RORA: variants seen among roughly 807,000 people sequenced by gnomAD.
RORA encodes the protein RAR related orphan receptor A.
A neutral mutation model predicts 69.5 loss-of-function variants in RORA; 7 were observed. The ratio of observed to expected loss-of-function variants is 0.10; its 90% confidence interval spans 0.06 to 0.19. The LOEUF (loss-of-function observed/expected upper bound fraction) is 0.19, where lower values mean the gene tolerates loss of function less well. RORA is among the 10% of genes least tolerant of loss of function. The pLI is 1.00. For synonymous variants in RORA, 261 were observed against 240.8 expected, an observed-to-expected ratio of 1.08 and a Z score of -0.78; for missense variants, 457 against 663.0, an observed-to-expected ratio of 0.69 and a Z score of 3.41.
intron 1 of RORA, among the ~76,000 whole-genome samples, chr15:61,095,375 T>C (rs2078774006): frequency 6.6e-6 from 1 of 152,268 alleles, no homozygotes; most frequent in African/African-American, 2.4e-5. Context: ...ACAATGCCTT[T>C]TAAAAGGCTT....
intron 1 of RORA, among the ~76,000 whole-genome samples, chr15:61,118,783 G>A (rs920621041): frequency 6.6e-6 from 1 of 151,880 alleles, no homozygotes; most frequent in South Asian, 2.1e-4. Flanking sequence ...ATAAAAACAA[G>A]TCAGAAAGGA....
At chr15:60,514,877 G>C (rs1206065951) in intron 3 of RORA, 120 bp from the exon 4 acceptor site, 1 of 703,966 alleles carries the variant, frequency 1.4e-6, no homozygotes, top group African/African-American at 1.8e-5. Flanking sequence ...ACTTGTAGCA[G>C]AATCATCCAG....
intron 1 of RORA, among the ~76,000 whole-genome samples, chr15:60,844,523 C>T (rs924987768): frequency 2.0e-5 from 3 of 152,148 alleles, no homozygotes; most frequent in Non-Finnish European, 4.4e-5. Context: ...CAAGCCTCCA[C>T]GCATGTCGAA....
At chr15:60,698,070 G>A (rs1321559203) in intron 1 of RORA, among the ~76,000 whole-genome samples, 4 of 152,278 alleles carry the variant, frequency 2.6e-5, no homozygotes, top group South Asian at 2.1e-4. Context: ...GTCTGTAGTC[G>A]TGAAGTGATT....
chr15:60,831,760 T>C (rs2073045117), intron 1 of RORA, among the ~76,000 whole-genome samples: 1 of 152,132 alleles, frequency 6.6e-6, no homozygotes, highest in African/African-American at 2.4e-5. Context: ...CACCTTAGTG[T>C]CTGTGTCTGG....
chr15:60,551,446 A>G (rs2067224560), intron 2 of RORA, among the ~76,000 whole-genome samples: 1 of 152,164 alleles, frequency 6.6e-6, no homozygotes, highest in Non-Finnish European at 1.5e-5. Context: ...AGTTTAAGAA[A>G]TTAAACATAG....
At chr15:60,668,364 C>G (rs907192516) in intron 2 of RORA, among the ~76,000 whole-genome samples, 1 of 152,176 alleles carries the variant, frequency 6.6e-6, no homozygotes, top group Non-Finnish European at 1.5e-5. Context: ...ACAGTTGTCT[C>G]TAAGGTTCTT....
Position 61,122,725 on chromosome 15 carries a change from T to A in RORA, c.166+106328A>T, listed in dbSNP as rs565366989. 1.7e-4 allele frequency among the ~76,000 whole-genome samples: 26 copies of A among 152,230 alleles called. No homozygotes were observed. In the South Asian group the frequency reaches 5.2e-3, roughly 30 times the overall value. ...AGGTGTCTGGAATCCCTCTCTGGTA[T>A]CCAGAAATTGCCTGTGCCAAGTGTG... On this transcript the variant is annotated intron_variant, in intron 1 of 10. Transcript: ENST00000335670.
rs1308284068 is a variant in RORA, at chr15:61,071,728, AG to A, written c.166+157324del. Among the ~76,000 whole-genome samples the A allele has an allele frequency of 2.0e-5, 3 of 150,778 alleles. No homozygotes were observed. In the East Asian group the frequency reaches 5.9e-4, roughly 30 times the overall value. ...ACCCACAATTCACTGAGCCATACAA[AG>A]GAACAGGCTTATTCTTTGGATTTCA... On this transcript the variant is annotated intron_variant, in intron 1 of 10. Coordinates refer to ENST00000335670, the MANE Select transcript of RORA (RefSeq NM_134261.3).
intron 1 of RORA, among the ~76,000 whole-genome samples, chr15:60,798,221 GACAC>G (rs34480684): frequency 9.6e-4 from 140 of 145,812 alleles, no homozygotes; most frequent in African/African-American, 2.5e-3. Context: ...TTCCCCAACA[GACAC>G]ACACACACAC....
At chr15:60,959,286 A>C (rs760168989) in intron 1 of RORA, among the ~76,000 whole-genome samples, 1 of 152,248 alleles carries the variant, frequency 6.6e-6, no homozygotes, top group Non-Finnish European at 1.5e-5. Context: ...CAAAATATAC[A>C]TTAAAAAATC....
chr15:60,643,341 T>G (rs1420974473), intron 2 of RORA, among the ~76,000 whole-genome samples: 1 of 152,220 alleles, frequency 6.6e-6, no homozygotes, highest in Non-Finnish European at 1.5e-5. Context: ...ACTTTGAATT[T>G]CAAAAGTTAA....
chr15:61,023,682 C>G (rs1357532), intron 1 of RORA, among the ~76,000 whole-genome samples: 134,732 of 152,228 alleles, frequency 0.89, 59,903 homozygotes, highest in East Asian at 0.96. Flanking sequence ...TTCCAGGTAA[C>G]AGCTTTGGAT....
intron 3 of RORA, among the ~76,000 whole-genome samples, chr15:60,516,487 A>C (rs565831569): frequency 2.6e-5 from 4 of 151,246 alleles, no homozygotes; most frequent in Non-Finnish European, 5.9e-5. Context: ...TCCATGAAGC[A>C]AAGCCATGAA....
chr15:60,806,951 C>T (rs1055240345), intron 1 of RORA, among the ~76,000 whole-genome samples: 4 of 152,132 alleles, frequency 2.6e-5, no homozygotes, highest in African/African-American at 4.8e-5. Flanking sequence ...CCACAGCCAA[C>T]ATTATACTGA....
chr15:61,098,010 T>C (rs189052200), intron 1 of RORA, among the ~76,000 whole-genome samples: 22 of 152,214 alleles, frequency 1.4e-4, no homozygotes, highest in Admixed American at 6.5e-4. Flanking sequence ...GGAACTGCTA[T>C]TCCTATCTCT....
chr15:60,723,398 A>C (rs914943350), intron 1 of RORA, among the ~76,000 whole-genome samples: 18 of 148,712 alleles, frequency 1.2e-4, no homozygotes, highest in Non-Finnish European at 1.2e-4. Flanking sequence ...CTCACATAAA[A>C]TGGCCATGTT....
At position 61,061,713 on chromosome 15, in the gene RORA, G is replaced by C. The variant is rs968182847; in HGVS notation, c.166+167340C>G. ...TAGTTGTTGGGCATATGGGTCTCTA[G>C]AGACAGGGTGTTAAGCATCACTGCA... On this transcript the variant is annotated intron_variant, in intron 1 of 10. Transcript: ENST00000335670. The surrounding 1 kb of genome is among the most constrained non-coding windows in gnomAD (Gnocchi z 4.4). Among the ~76,000 whole-genome samples the C allele has an allele frequency of 1.3e-5, 2 of 152,182 alleles. No homozygotes were observed. The highest frequency in any genetic ancestry group is 4.8e-5 in the African/African-American group (2 of 41,456).
chr15:61,171,319 T>C (rs574264445), intron 1 of RORA, among the ~76,000 whole-genome samples: 1 of 152,242 alleles, frequency 6.6e-6, no homozygotes, highest in Non-Finnish European at 1.5e-5. Flanking sequence ...ATGAGAGGCC[T>C]AAGTGCTTCT....
Sources: allele counts gnomAD v4.1 joint callset (sites outside exome capture counted in the v4.1 genomes callset), GRCh38; gene constraint gnomAD v4.1.1; non-coding constraint Gnocchi (gnomAD v3.1); transcripts MANE v1.5; gene names NCBI Gene and HGNC (gene_info 2026-07-23, HGNC 2026-07-21).